Variants in PLB1 observed in about 807,000 individuals in gnomAD.
The protein encoded by PLB1 is phospholipase B1, membrane-associated.
In PLB1, 242 loss-of-function variants were observed where a neutral mutation model predicts 227.4. The ratio of observed to expected loss-of-function variants is 1.06; its 90% CI spans 0.96 to 1.18. The LOEUF is 1.18. Among genes scored for constraint, PLB1 ranks in the 50% most tolerant of loss-of-function variants. The pLI, the probability that PLB1 is intolerant of heterozygous loss-of-function variation, is 0.00. For missense variants in PLB1, 1,858 were observed against 1,816.3 expected, an observed-to-expected ratio of 1.02 and a Z score of -0.42; for synonymous variants, 757 against 682.2, an observed-to-expected ratio of 1.11 and a Z score of -1.71.
intron 14 of PLB1, among the ~76,000 whole-genome samples, chr2:28,547,855 TA>T (rs56252762): frequency 0.88 from 134,492 of 152,020 alleles, 59,833 homozygotes; most frequent in East Asian, 0.99. Flanking sequence ...AAACAACTTT[TA>T]AAAAAAATCC....
At chr2:28,620,404 C>T (rs1264495551) in intron 47 of PLB1, 72 bp downstream of exon 47, 1 of 1,446,824 alleles carries the variant, frequency 6.9e-7, no homozygotes, top group Non-Finnish European at 9.4e-7. Context: ...TGTTTCCTGT[C>T]ACCCCTCCAG....
Position 28,577,628 on chromosome 2 carries a change from G to C in PLB1, c.1434-479G>C, listed in dbSNP as rs1019943970. ...GAGGCCGAGGCAGATGGATCGTGAG[G>C]TCAGGAGTTTGAGACCAGCCTGGCC... On this transcript the variant is annotated intron_variant, in intron 21 of 57. Transcript: ENST00000327757. 9.2e-5 allele frequency among the ~76,000 whole-genome samples: 14 copies of C among 152,326 alleles called. 1 individual carries two copies. The highest frequency in any genetic ancestry group is 3.4e-4 in the African/African-American group (14 of 41,576).
chr2:28,523,540 T>TGGGGAC (rs1669829086), intron 4 of PLB1, among the ~76,000 whole-genome samples: 1 of 151,904 alleles, frequency 6.6e-6, no homozygotes, highest in Admixed American at 6.6e-5. Context: ...GTGGGCACGA[T>TGGGGAC]GGGGACGTGG....
intron 43 of PLB1, among the ~76,000 whole-genome samples, chr2:28,607,659 C>T (rs1186223111): frequency 2.0e-5 from 3 of 152,088 alleles, no homozygotes; most frequent in Non-Finnish European, 4.4e-5. Flanking sequence ...AGGCCTGGAG[C>T]AAAACCTTAG....
chr2:28,592,809 C>T (rs1046390526), intron 32 of PLB1, 90 bp downstream of exon 32: 3 of 1,250,620 alleles, frequency 2.4e-6, no homozygotes, highest in South Asian at 1.4e-5. Context: ...CATGCCTGTC[C>T]TCTGCCTTAT....
chr2:28,630,061 T>G (rs934376816), intron 53 of PLB1, among the ~76,000 whole-genome samples: 1 of 152,126 alleles, frequency 6.6e-6, no homozygotes, highest in Non-Finnish European at 1.5e-5. Flanking sequence ...GTTGTCAGAG[T>G]TGCTTCCAGC....
chr2:28,632,221 C>CTTT lies in PLB1; in HGVS notation c.4002+92_4002+94dup, dbSNP rs3071742. The CTTT allele has an allele frequency of 5.8e-3, 5,169 of 896,508 alleles. 17 individuals carry two copies. The highest frequency in any genetic ancestry group is 0.042 in the East Asian group (1,511 of 35,960). The allele number at this position is 896,508 out of a possible 1,614,324, so 55.5% of individuals were successfully genotyped here. ...GGATGTATTTCCTTCTCTAAGTGGG[C>CTTT]TTTTTTTTTTTTTAACCATCTCTCT... is the stretch of plus-strand genomic sequence containing the variant. On this transcript the variant is annotated intron_variant, in intron 55 of 57. Coordinates refer to ENST00000327757, the MANE Select transcript of PLB1 (RefSeq NM_153021.5).
chr2:28,640,808 G>C, intron 56 of PLB1, 119 bp from the exon 57 acceptor site: 1 of 1,044,318 alleles, frequency 9.6e-7, no homozygotes, highest in Non-Finnish European at 1.4e-6. Flanking sequence ...CAGCCACTTC[G>C]CTGGTTTCTA....
At chr2:28,562,513 G>A (rs559404459) in intron 17 of PLB1, among the ~76,000 whole-genome samples, 1 of 97,670 alleles carries the variant, frequency 1.0e-5, no homozygotes, top group African/African-American at 4.2e-5. Flanking sequence ...CTGCACTCCA[G>A]CCTGGAGACA....
At position 28,642,781 on chromosome 2, in the gene PLB1, G is replaced by C. The variant is rs774677090; in HGVS notation, c.4174-77G>C. The C allele has an allele frequency of 4.3e-5, 54 of 1,261,944 alleles. No individual in the cohort carries two copies. The South Asian group carries it at 6.4e-4, about 15-fold the overall frequency. The allele number at this position is 1,261,944 out of a possible 1,614,324, so 78.2% of individuals were successfully genotyped here. A position where few individuals can be genotyped will look rare whatever the true frequency, so the allele number is the denominator to read the frequency against. On this transcript the variant is annotated intron_variant, in intron 57 of 57. Transcript: ENST00000327757. The stretch of plus-strand genomic sequence containing the variant: ...GGGTTATCGCAGCATCTCAGGAATG[G>C]GGACTAGGCAAGTCTTGGCTTGGTG...
chr2:28,525,819 A>G (rs766107129), intron 5 of PLB1, 86 bp from the exon 6 acceptor site: 79 of 1,522,050 alleles, frequency 5.2e-5, no homozygotes, highest in Non-Finnish European at 6.4e-5. Context: ...AAAGACTACT[A>G]TGAAATAGAC....
chr2:28,624,767 G>A (rs11684628), intron 49 of PLB1, among the ~76,000 whole-genome samples: 40,403 of 146,906 alleles, frequency 0.28, 5,412 homozygotes, highest in East Asian at 0.36. Context: ...CTTGGCTTAC[G>A]AAGAAAGAGC....
At chr2:28,610,314 C>CTT (rs34563648) in intron 43 of PLB1, among the ~76,000 whole-genome samples, 3,568 of 146,402 alleles carry the variant, frequency 0.024, 137 homozygotes, top group African/African-American at 0.085. Flanking sequence ...AGAACCAGCA[C>CTT]TTTTTTTTTT....
chr2:28,602,038 G>A, intron 38 of PLB1, 74 bp downstream of exon 38: 11 of 1,378,018 alleles, frequency 8.0e-6, no homozygotes, highest in Non-Finnish European at 1.0e-5. Context: ...GGGAAAGAAT[G>A]AGAGAAGAAC....
intron 20 of PLB1, among the ~76,000 whole-genome samples, chr2:28,568,516 T>C (rs1254329904): frequency 6.6e-6 from 1 of 152,152 alleles, no homozygotes; most frequent in African/African-American, 2.4e-5. Context: ...AGTAACTATA[T>C]GGAAACGTGT....
intron 17 of PLB1, among the ~76,000 whole-genome samples, chr2:28,556,371 C>T (rs565568666): frequency 3.3e-5 from 5 of 152,236 alleles, no homozygotes; most frequent in East Asian, 3.9e-4. Flanking sequence ...CACTGACTTA[C>T]GGGGCCCTAG....
chr2:28,569,083 T>C (rs1235844535), intron 20 of PLB1, among the ~76,000 whole-genome samples: 1 of 152,222 alleles, frequency 6.6e-6, no homozygotes, highest in Admixed American at 6.5e-5. Flanking sequence ...GTCCAGTCCA[T>C]CTGTGCTGAG....
At chr2:28,533,212 T>C (rs554929422) in intron 9 of PLB1, among the ~76,000 whole-genome samples, 13 of 152,330 alleles carry the variant, frequency 8.5e-5, no homozygotes, top group African/African-American at 2.9e-4. Context: ...AGAACTCCCC[T>C]TCCTTTAGTG....
chr2:28,632,716 A>G (rs1245116660), intron 55 of PLB1, among the ~76,000 whole-genome samples: 1 of 152,168 alleles, frequency 6.6e-6, no homozygotes, highest in African/African-American at 2.4e-5. Flanking sequence ...AGATTATGCC[A>G]CTGCACTCCA....
Sources: allele counts gnomAD v4.1 joint callset (sites outside exome capture counted in the v4.1 genomes callset), GRCh38; gene constraint gnomAD v4.1.1; transcripts MANE v1.5; gene names NCBI Gene and HGNC (gene_info 2026-07-23, HGNC 2026-07-21).